Variants in VWA3A observed in about 807,000 individuals in gnomAD.
The protein encoded by VWA3A is von Willebrand factor A domain containing 3A.
VWA3A carries 134 observed loss-of-function variants against 160.4 expected under a neutral mutation model. The ratio of observed to expected loss-of-function variants is 0.84; its 90% CI spans 0.73 to 0.96. VWA3A has a LOEUF of 0.96. Ranked by LOEUF, VWA3A falls within the 40% of genes least tolerant of loss-of-function variation. VWA3A has a pLI of 0.00. For missense variants in VWA3A, 1,310 were observed against 1,447.9 expected (o/e 0.90, Z 1.55); for synonymous variants, 476 against 543.4 (o/e 0.88, Z 1.72).
chr16:22,095,626 T>C (rs1016986325), intron 1 of VWA3A, among the ~76,000 whole-genome samples: 1 of 152,174 alleles, frequency 6.6e-6, no homozygotes, highest in African/African-American at 2.4e-5. Flanking sequence ...GGCATGATCA[T>C]AGCTCACTGC....
intron 3 of VWA3A, among the ~76,000 whole-genome samples, chr16:22,098,350 G>A (rs2045356603): frequency 6.6e-6 from 1 of 152,192 alleles, no homozygotes; most frequent in African/African-American, 2.4e-5. Flanking sequence ...GATTTACTTA[G>A]GTTCTGGCAC....
intron 20 of VWA3A, 119 bp from the exon 21 acceptor site, chr16:22,134,249 A>T (rs776064561): frequency 7.1e-5 from 53 of 751,534 alleles, no homozygotes; most frequent in Non-Finnish European, 1.1e-4. Context: ...TTACAGGAGT[A>T]AGCCACCATT....
In VWA3A at chr16:22,134,350, G is replaced by T; in HGVS notation, c.2069-18G>T. 6.3e-7 allele frequency: 1 copy of T among 1,586,650 alleles called. No homozygotes were observed. Among genetic ancestry groups the T allele is most frequent in the South Asian group, 1.2e-5 (1 of 86,678 alleles). On this transcript the variant is annotated intron_variant, in intron 20 of 33. Transcript: ENST00000389398. ...CCACACCCTGTCTCACCTTGCTCAC[G>T]ATGTGCTTTGTTTCCAGGCATTTAT...
intron 2 of VWA3A, 59 bp from the exon 3 acceptor site, chr16:22,097,513 G>T: frequency 6.5e-7 from 1 of 1,540,454 alleles, no homozygotes; most frequent in Non-Finnish European, 8.7e-7. Flanking sequence ...GGAGGCACTG[G>T]GGGTATCAAA....
chr16:22,147,509 T>C (rs2046274597), intron 27 of VWA3A: 2 of 699,824 alleles, frequency 2.9e-6, no homozygotes, highest in South Asian at 1.5e-5. Context: ...AAGGGAGTCC[T>C]ATATAGAGAT....
chr16:22,117,397 C>G (rs2045666808), intron 11 of VWA3A, among the ~76,000 whole-genome samples: 1 of 152,222 alleles, frequency 6.6e-6, no homozygotes, highest in Admixed American at 6.5e-5. Flanking sequence ...TTTGATCAGC[C>G]TGTATGATGC....
intron 22 of VWA3A, 56 bp from the exon 23 acceptor site, chr16:22,140,098 G>T (rs895348737): frequency 2.6e-6 from 4 of 1,550,554 alleles, no homozygotes; most frequent in Non-Finnish European, 2.6e-6. Context: ...GGGTAACTGG[G>T]ATCCTGCGTG....
chr16:22,153,185 A>G (rs1473832058), intron 31 of VWA3A, among the ~76,000 whole-genome samples: 1 of 152,134 alleles, frequency 6.6e-6, no homozygotes, highest in Non-Finnish European at 1.5e-5. Context: ...GTCTGTACTA[A>G]AAATACAAAA....
At chr16:22,109,707 A>G (rs1249872219) in intron 7 of VWA3A, 127 bp downstream of exon 7, 2 of 742,146 alleles carry the variant, frequency 2.7e-6, no homozygotes, top group African/African-American at 1.8e-5. Flanking sequence ...AACAGTTCAC[A>G]CTTAATTAGC....
At chr16:22,125,894 C>T (rs1334363336) in intron 16 of VWA3A, among the ~76,000 whole-genome samples, 1 of 152,080 alleles carries the variant, frequency 6.6e-6, no homozygotes, top group Non-Finnish European at 1.5e-5. Flanking sequence ...TAAAATAAAT[C>T]TGTGAAAATC....
At chr16:22,100,117 T>G in intron 3 of VWA3A, 77 bp from the exon 4 acceptor site, 1 of 1,453,200 alleles carries the variant, frequency 6.9e-7, no homozygotes, top group Non-Finnish European at 9.1e-7. Flanking sequence ...TGGCGCCCGT[T>G]GGGTATCTGT....
chr16:22,101,623 G>A (rs991094019), intron 5 of VWA3A, among the ~76,000 whole-genome samples: 1 of 152,152 alleles, frequency 6.6e-6, no homozygotes. Context: ...AGAGAAAGGG[G>A]TTTCCCCTTA....
At chr16:22,093,736 G>A (rs1019735911) in intron 1 of VWA3A, among the ~76,000 whole-genome samples, 7 of 152,032 alleles carry the variant, frequency 4.6e-5, no homozygotes, top group African/African-American at 1.7e-4. Flanking sequence ...CCATTCTAAA[G>A]ATGAAGAAAC....
intron 5 of VWA3A, among the ~76,000 whole-genome samples, chr16:22,100,791 A>C (rs2045396460): frequency 6.6e-6 from 1 of 151,486 alleles, no homozygotes; most frequent in South Asian, 2.1e-4. Context: ...CAGTGAGCTA[A>C]GAACACACCA....
intron 17 of VWA3A, among the ~76,000 whole-genome samples, chr16:22,128,941 G>A (rs1368033173): frequency 6.6e-6 from 1 of 152,108 alleles, no homozygotes; most frequent in Non-Finnish European, 1.5e-5. Flanking sequence ...GGGTGAGGGT[G>A]AGAGAAAGGA....
chr16:22,153,784 G>T (rs1310891477), intron 31 of VWA3A, among the ~76,000 whole-genome samples: 1 of 135,612 alleles, frequency 7.4e-6, no homozygotes, highest in Non-Finnish European at 1.5e-5. Flanking sequence ...CTGTTGCCCA[G>T]GCTAGAGTGC....
intron 27 of VWA3A, among the ~76,000 whole-genome samples, chr16:22,146,997 G>T (rs1455714688): frequency 6.6e-6 from 1 of 152,142 alleles, no homozygotes; most frequent in East Asian, 1.9e-4. Flanking sequence ...GATGCAGATG[G>T]TAAGGGGAAC....
At chr16:22,146,397 G>C (rs965227299) in intron 27 of VWA3A, 53 bp downstream of exon 27, 6 of 1,518,728 alleles carry the variant, frequency 4.0e-6, no homozygotes, top group Non-Finnish European at 5.4e-6. Context: ...GATGTAGAAG[G>C]CTAGCCCCAG....
chr16:22,115,914 GAA>G (rs2038757327), intron 9 of VWA3A, among the ~76,000 whole-genome samples: 3 of 35,674 alleles, frequency 8.4e-5, no homozygotes, highest in Non-Finnish European at 4.0e-5. Context: ...AGGAAGGAAG[GAA>G]GGAAGGAAAG....
Sources: gnomAD v4.1 joint callset for allele counts (sites outside exome capture counted in the v4.1 genomes callset) on GRCh38, gnomAD v4.1.1 for gene constraint, MANE v1.5 for transcripts, NCBI Gene and HGNC (gene_info 2026-07-23, HGNC 2026-07-21) for gene names.